Variants in PDE7B observed in about 807,000 individuals in gnomAD.
The protein encoded by PDE7B is phosphodiesterase 7B.
In PDE7B, 29 loss-of-function variants were observed where a neutral mutation model predicts 56.2. That is an observed-to-expected ratio of 0.52 (90% CI 0.38 to 0.70). PDE7B has a LOEUF of 0.70. PDE7B is among the 30% of genes least tolerant of loss of function. The probability of loss-of-function intolerance (pLI) is 0.00; values close to 1 mark genes in which losing one functional copy is unlikely to be tolerated. For synonymous variants in PDE7B, 197 were observed against 196.9 expected, an observed-to-expected ratio of 1.00 and a Z score of 0.00; for missense variants, 490 against 565.0, an observed-to-expected ratio of 0.87 and a Z score of 1.35.
intron 2 of PDE7B, among the ~76,000 whole-genome samples, chr6:135,950,662 G>A (rs1022665346): frequency 1.3e-5 from 2 of 152,088 alleles, no homozygotes; most frequent in Admixed American, 6.6e-5. Context: ...AGGTTTGGGT[G>A]CCTGCTGGAT....
Position 136,049,696 on chromosome 6 carries a change from G to A in PDE7B, c.83-59035G>A, listed in dbSNP as rs144126763. On this transcript the variant is annotated intron_variant, in intron 2 of 12. Coordinates refer to ENST00000308191, the MANE Select transcript of PDE7B (RefSeq NM_018945.4). ...TGGTGAGGGAATAAACGTGAACATA[G>A]GTACAAGGCAAAGAAGCACAGGAAA... Among the ~76,000 whole-genome samples, 480 of 152,202 alleles carry A rather than the reference G, an allele frequency of 3.2e-3. 3 individuals are homozygous for A. Among genetic ancestry groups the A allele is most frequent in the African/African-American group, 0.011 (463 of 41,542 alleles).
At chr6:135,914,485 CTTTTTTTTTTTTT>C (rs759938662) in intron 1 of PDE7B, among the ~76,000 whole-genome samples, 2 of 41,914 alleles carry the variant, frequency 4.8e-5, no homozygotes, top group African/African-American at 1.4e-4. Flanking sequence ...TTTTATAATG[CTTTTTTTTTTTTT>C]TTTTTTTTTT....
chr6:135,925,573 G>C (rs1774168748), intron 1 of PDE7B, among the ~76,000 whole-genome samples: 1 of 152,010 alleles, frequency 6.6e-6, no homozygotes, highest in South Asian at 2.1e-4. Context: ...ATTTTTGCCA[G>C]TACCTTGCCA....
chr6:136,057,946 AG>A (rs1776766817), intron 2 of PDE7B, among the ~76,000 whole-genome samples: 1 of 152,138 alleles, frequency 6.6e-6, no homozygotes, highest in African/African-American at 2.4e-5. Context: ...CATGTTTTCC[AG>A]GCTGGTCTCG....
At chr6:135,893,571 T>C (rs568571963) in intron 1 of PDE7B, among the ~76,000 whole-genome samples, 2 of 152,212 alleles carry the variant, frequency 1.3e-5, no homozygotes, top group East Asian at 3.9e-4. Flanking sequence ...GGTGGGACTG[T>C]AAACTAGTTC....
intron 2 of PDE7B, among the ~76,000 whole-genome samples, chr6:136,069,411 CA>C (rs1208570585): frequency 6.6e-6 from 1 of 152,134 alleles, no homozygotes; most frequent in Non-Finnish European, 1.5e-5. Flanking sequence ...AGAAAATAAT[CA>C]GTAGTGAATG....
intron 2 of PDE7B, among the ~76,000 whole-genome samples, chr6:135,949,210 T>G (rs980992205): frequency 9.9e-5 from 15 of 152,182 alleles, no homozygotes; most frequent in Middle Eastern, 3.4e-3. Flanking sequence ...AATGTTTAAC[T>G]CATGATAATT....
intron 3 of PDE7B, 111 bp from the exon 4 acceptor site, chr6:136,147,240 T>C (rs1320098803): frequency 7.6e-6 from 5 of 660,594 alleles, no homozygotes; most frequent in Non-Finnish European, 1.0e-5. Context: ...TTTAAAAGTA[T>C]AGAAAGCATC....
intron 3 of PDE7B, among the ~76,000 whole-genome samples, chr6:136,128,612 C>T (rs1778064041): frequency 6.6e-6 from 1 of 152,074 alleles, no homozygotes; most frequent in African/African-American, 2.4e-5. Flanking sequence ...TGACTTTTAC[C>T]CCTTCCTTAC....
intron 2 of PDE7B, chr6:136,049,107 GT>G (rs1447791699): frequency 6.5e-6 from 1 of 153,052 alleles, no homozygotes; most frequent in Non-Finnish European, 1.5e-5. Context: ...TGTTTTGTTT[GT>G]TTGTTTGTTT....
At chr6:135,860,968 T>C (rs1379164895) in intron 1 of PDE7B, among the ~76,000 whole-genome samples, 1 of 151,884 alleles carries the variant, frequency 6.6e-6, no homozygotes, top group Non-Finnish European at 1.5e-5. Context: ...CATTATTACA[T>C]GTTTGGCACC....
rs532070118 is a variant in PDE7B at position 136,177,280 on chromosome 6, T to G, written c.804-1717T>G. ...GAGTTCGAGACCAGCCTGGTCAACA[T>G]AGTGAAACCCCCATCTCTATTTATA... On this transcript the variant is annotated intron_variant, in intron 9 of 12. Coordinates refer to ENST00000308191, the MANE Select transcript of PDE7B (RefSeq NM_018945.4). Among the ~76,000 whole-genome samples the G allele has an allele frequency of 2.0e-5, 3 of 152,156 alleles. No individual in the cohort carries two copies. The East Asian group carries it at 5.8e-4, about 29-fold the overall frequency.
intron 2 of PDE7B, among the ~76,000 whole-genome samples, chr6:135,952,618 T>C (rs1014210868): frequency 2.6e-5 from 4 of 152,058 alleles, no homozygotes; most frequent in African/African-American, 9.7e-5. Flanking sequence ...AAAACATGGA[T>C]AGAGTGCATA....
chr6:136,031,339 T>G (rs1025883424), intron 2 of PDE7B, among the ~76,000 whole-genome samples: 2 of 152,258 alleles, frequency 1.3e-5, no homozygotes, highest in Non-Finnish European at 2.9e-5. Context: ...ATCTGCATTT[T>G]AATGGAATCC....
rs574994031 is a variant in PDE7B, at chr6:136,022,483, G to C, written c.82+74959G>C. Among the ~76,000 whole-genome samples, 10 of 152,256 alleles carry C rather than the reference G, an allele frequency of 6.6e-5. No individual in the cohort carries two copies. The East Asian group carries it at 1.7e-3, about 26-fold the overall frequency. ...TCGCCTGATAAATATTTGTCATCTA[G>C]GGTCAAGGACCTCATCTTTTTTCCA... On this transcript the variant is annotated intron_variant, in intron 2 of 12. Transcript: ENST00000308191.
At chr6:136,038,377 A>G (rs1455794047) in intron 2 of PDE7B, 1 of 1,291,654 alleles carries the variant, frequency 7.7e-7, no homozygotes, top group South Asian at 1.2e-5. Flanking sequence ...CCTCCCCGGG[A>G]AGCCGGCCGG....
At chr6:135,885,954 A>G (rs187127709) in intron 1 of PDE7B, among the ~76,000 whole-genome samples, 1 of 152,332 alleles carries the variant, frequency 6.6e-6, no homozygotes, top group East Asian at 1.9e-4. Flanking sequence ...TTAGTCTATA[A>G]TAGAGGATCC....
intron 2 of PDE7B, among the ~76,000 whole-genome samples, chr6:135,954,255 A>C (rs1299671736): frequency 6.6e-6 from 1 of 152,192 alleles, no homozygotes; most frequent in Non-Finnish European, 1.5e-5. Context: ...AGTATCCAGC[A>C]TCTGGAACAT....
At chr6:136,036,931 G>A (rs1224386930) in intron 2 of PDE7B, among the ~76,000 whole-genome samples, 1 of 152,174 alleles carries the variant, frequency 6.6e-6, no homozygotes, top group Non-Finnish European at 1.5e-5. Context: ...CCCTACTTTC[G>A]TTTCTGTCCA....
Sources: gnomAD v4.1 joint callset for allele counts (sites outside exome capture counted in the v4.1 genomes callset) on GRCh38, gnomAD v4.1.1 for gene constraint, MANE v1.5 for transcripts, NCBI Gene and HGNC (gene_info 2026-07-23, HGNC 2026-07-21) for gene names.